ADCY2: variants seen among roughly 807,000 people sequenced by gnomAD.
ADCY2 encodes the protein adenylate cyclase 2, also known as adenylate cyclase type 2.
ADCY2 carries 31 observed loss-of-function variants against 125.2 expected under a neutral mutation model. The observed-to-expected ratio is 0.25, with a 90% confidence interval of 0.19 to 0.33. The LOEUF (loss-of-function observed/expected upper bound fraction) is 0.33, where lower values mean the gene tolerates loss of function less well. ADCY2 is among the 10% of genes least tolerant of loss of function. ADCY2 has a pLI of 1.00. For synonymous variants in ADCY2, 512 were observed against 548.4 expected, an observed-to-expected ratio of 0.93 and a Z score of 0.93; for missense variants, 904 against 1,418.2, an observed-to-expected ratio of 0.64 and a Z score of 5.82.
chr5:7,702,455 A>G (rs1370898785), intron 7 of ADCY2, among the ~76,000 whole-genome samples: 1 of 148,050 alleles, frequency 6.8e-6, no homozygotes, highest in East Asian at 2.0e-4. Context: ...TTCAGTTCCC[A>G]CCTATGAGTG....
At chr5:7,690,593 A>T (rs1740672555) in intron 4 of ADCY2, 98 bp from the exon 5 acceptor site, 1 of 1,149,866 alleles carries the variant, frequency 8.7e-7, no homozygotes, top group Non-Finnish European at 1.1e-6. Context: ...GAATTCCCAA[A>T]CTGGCCTTCC....
intron 2 of ADCY2, 117 bp downstream of exon 2, chr5:7,414,887 C>G (rs186214107): frequency 7.5e-6 from 6 of 800,390 alleles, no homozygotes; most frequent in Non-Finnish European, 1.1e-5. Flanking sequence ...AGAGCAGAGT[C>G]TATTTTTTTC....
intron 4 of ADCY2, among the ~76,000 whole-genome samples, chr5:7,657,320 C>T (rs1739373849): frequency 6.6e-6 from 1 of 152,212 alleles, no homozygotes; most frequent in Non-Finnish European, 1.5e-5. Flanking sequence ...CTCATTGAGT[C>T]ATTGAGTGTC....
intron 3 of ADCY2, among the ~76,000 whole-genome samples, chr5:7,550,340 T>G (rs76171592): frequency 6.6e-6 from 1 of 152,124 alleles, no homozygotes; most frequent in Non-Finnish European, 1.5e-5. Context: ...GGTCTAAAAA[T>G]CCCTGTCCCC....
chr5:7,649,217 A>G (rs1739000123), intron 4 of ADCY2, among the ~76,000 whole-genome samples: 1 of 152,212 alleles, frequency 6.6e-6, no homozygotes, highest in South Asian at 2.1e-4. Flanking sequence ...GTGAATTGGA[A>G]CATTGATATT....
At chr5:7,779,468 A>G (rs1367738394) in intron 18 of ADCY2, among the ~76,000 whole-genome samples, 1 of 152,190 alleles carries the variant, frequency 6.6e-6, no homozygotes, top group Non-Finnish European at 1.5e-5. Flanking sequence ...CTGAGGTAGC[A>G]GTGGCTTCCG....
chr5:7,404,741 C>T (rs994533969), intron 1 of ADCY2, among the ~76,000 whole-genome samples: 5 of 152,218 alleles, frequency 3.3e-5, no homozygotes, highest in Non-Finnish European at 4.4e-5. Flanking sequence ...ATTTATTTTC[C>T]TCCTGAACCT....
At chr5:7,664,979 C>T (rs1467395695) in intron 4 of ADCY2, among the ~76,000 whole-genome samples, 2 of 151,970 alleles carry the variant, frequency 1.3e-5, no homozygotes, top group Non-Finnish European at 2.9e-5. Flanking sequence ...GCCTGGGAGC[C>T]CCGCCCCCTC....
intron 15 of ADCY2, among the ~76,000 whole-genome samples, chr5:7,748,350 G>T (rs1278429606): frequency 6.6e-6 from 1 of 152,120 alleles, no homozygotes; most frequent in Non-Finnish European, 1.5e-5. Context: ...TACATCGGAT[G>T]CTATTTAGCA....
chr5:7,402,015 T>A (rs1739282613), intron 1 of ADCY2, among the ~76,000 whole-genome samples: 1 of 152,234 alleles, frequency 6.6e-6, no homozygotes, highest in Admixed American at 6.5e-5. Flanking sequence ...GCAAGCACTG[T>A]GATTGACATC....
rs1318965136 is a variant in ADCY2, at chr5:7,709,823, G to A, written c.1578+436G>A. ...ATGTCCAGGCTGTGTGGGCAGCAGT[G>A]GATACTATCTTGTTATGGTTCCATG... On this transcript the variant is annotated intron_variant, in intron 10 of 24. Coordinates refer to ENST00000338316, the MANE Select transcript of ADCY2 (RefSeq NM_020546.3). This position sits in a 1 kb window ranked among gnomAD's most constrained non-coding sequence, Gnocchi z 4.4. Among the ~76,000 whole-genome samples the A allele has an allele frequency of 6.6e-6, 1 of 152,104 alleles. No homozygotes were observed. The highest frequency in any genetic ancestry group is 1.5e-5 in the Non-Finnish European group (1 of 68,036).
chr5:7,744,721 C>A (rs1331905410), intron 15 of ADCY2, among the ~76,000 whole-genome samples: 1 of 152,198 alleles, frequency 6.6e-6, no homozygotes, highest in African/African-American at 2.4e-5. Context: ...CTCTTCCTTG[C>A]CCCCATGGGC....
At chr5:7,648,087 A>AT (rs1234090053) in intron 4 of ADCY2, among the ~76,000 whole-genome samples, 1 of 152,022 alleles carries the variant, frequency 6.6e-6, no homozygotes, top group African/African-American at 2.4e-5. Flanking sequence ...GAGATTTCAC[A>AT]TTTTTCTGGT....
intron 2 of ADCY2, among the ~76,000 whole-genome samples, chr5:7,450,583 C>T (rs979167594): frequency 6.6e-6 from 1 of 152,264 alleles, no homozygotes; most frequent in Non-Finnish European, 1.5e-5. Context: ...AATGATCTAG[C>T]TAAGATCATT....
chr5:7,725,640 A>G (rs568587497), intron 13 of ADCY2, among the ~76,000 whole-genome samples: 5 of 152,302 alleles, frequency 3.3e-5, no homozygotes, highest in Admixed American at 6.5e-5. Context: ...TAGCTGCTAC[A>G]TTATTTCTTT....
chr5:7,634,119 G>A (rs1544938), intron 4 of ADCY2, among the ~76,000 whole-genome samples: 1 of 151,906 alleles, frequency 6.6e-6, no homozygotes, highest in Non-Finnish European at 1.5e-5. Context: ...GCCTTTTAAT[G>A]GGGGGGAAAG....
At chr5:7,687,722 T>A (rs957010017) in intron 4 of ADCY2, among the ~76,000 whole-genome samples, 1 of 152,152 alleles carries the variant, frequency 6.6e-6, no homozygotes, top group African/African-American at 2.4e-5. Context: ...CAATCTACAG[T>A]GACCCCCAAG....
intron 3 of ADCY2, among the ~76,000 whole-genome samples, chr5:7,538,835 C>A (rs1389926940): frequency 1.4e-5 from 2 of 146,240 alleles, no homozygotes; most frequent in Non-Finnish European, 3.0e-5. Flanking sequence ...ATATAAATTT[C>A]TTTTTTCTTT....
Position 7,784,370 on chromosome 5 carries a change from G to A in ADCY2, c.2390G>A (p.Gly797Asp), listed in dbSNP as rs549476654. 2 of 1,613,198 alleles carry A rather than the reference G, an allele frequency of 1.2e-6. No individual in the cohort carries two copies. The highest frequency in any genetic ancestry group is 1.1e-5 in the South Asian group (1 of 91,036). The change falls in exon 19 of 25, where the codon GGC becomes GAC. Residue 797 changes from glycine (G) to aspartate (D), a missense_variant. Physicochemically the swap from Gly to Asp is moderately conservative, Grantham distance 94. Coordinates refer to ENST00000338316, the MANE Select transcript of ADCY2 (RefSeq NM_020546.3). Reference sequence around the variant, plus strand: ...GTCTGTCTGTTTTTTAATAGACCAGGCATTTGGAAAGACCTGAAGACCATG... The same window carrying A: ...GTCTGTCTGTTTTTTAATAGACCAGACATTTGGAAAGACCTGAAGACCATG... ...DYSQVLFERPGIWKDLKTMGS... is the reference protein window; with the variant it reads ...DYSQVLFERPDIWKDLKTMGS...
Sources: allele counts gnomAD v4.1 joint callset (sites outside exome capture counted in the v4.1 genomes callset), GRCh38; gene constraint gnomAD v4.1.1; non-coding constraint Gnocchi (gnomAD v3.1); transcripts MANE v1.5; gene names NCBI Gene and HGNC (gene_info 2026-07-23, HGNC 2026-07-21).